Variants in AREG observed in about 807,000 individuals in gnomAD.
AREG encodes amphiregulin.
In AREG, 16 loss-of-function variants were observed where a neutral mutation model predicts 28.0. That is an observed-to-expected ratio of 0.57 (90% CI 0.39 to 0.87). The LOEUF (loss-of-function observed/expected upper bound fraction) is 0.87. Ranked by LOEUF, AREG falls within the 40% of genes least tolerant of loss-of-function variation. The pLI, the probability that AREG is intolerant of heterozygous loss-of-function variation, is 0.00. For synonymous variants in AREG, 113 were observed against 113.5 expected (o/e 1.00, Z 0.02); for missense variants, 287 against 309.1 (o/e 0.93, Z 0.53).
At chr4:74,447,566 A>G (rs1719314026) in intron 2 of AREG, among the ~76,000 whole-genome samples, 1 of 152,178 alleles carries the variant, frequency 6.6e-6, no homozygotes, top group East Asian at 1.9e-4. Flanking sequence ...AGAGAGAAAT[A>G]TTGCATACTT....
intron 4 of AREG, 147 bp downstream of exon 4, chr4:74,450,679 A>G: frequency 2.4e-6 from 3 of 1,271,098 alleles, no homozygotes; most frequent in South Asian, 3.2e-5. Flanking sequence ...TTTATTGACA[A>G]ATATCACAGA....
Position 74,449,102 on chromosome 4 carries a change from T to C in AREG, c.366T>C (p.Asp122=). Residue 122 remains aspartate (D), a synonymous_variant, in exon 3 of 6, where the codon GAT becomes GAC. Coordinates refer to ENST00000395748, the MANE Select transcript of AREG (RefSeq NM_001657.4). The part of the protein sequence containing the change: ...QNKTESENTS[D]KPKRKKKGGK... ...AGACGGAAAGTGAAAATACTTCAGA[T>C]AAACCCAAAAGAAAGAAAAAGGGAG... The C allele has an allele frequency of 6.2e-7, 1 of 1,611,330 alleles. No homozygotes were observed. The highest frequency in any genetic ancestry group is 1.1e-5 in the South Asian group (1 of 90,766).
At position 74,450,493 on chromosome 4, in the gene AREG, C is replaced by T. The variant is rs766672754; in HGVS notation, c.626C>T (p.Ser209Phe). The change falls in exon 4 of 6, where the codon TCT becomes TTT. Residue 209 changes from serine (S) to phenylalanine (F), a missense_variant. Physicochemically the swap from Ser to Phe is radical, Grantham distance 155. Coordinates refer to ENST00000395748, the MANE Select transcript of AREG (RefSeq NM_001657.4). ...TTAGCAGCCATAGCTGCCTTTATGTCTGCTGTGATCCTCACAGCTGTTGCT... is the reference window on the plus strand; with the variant it reads ...TTAGCAGCCATAGCTGCCTTTATGTTTGCTGTGATCCTCACAGCTGTTGCT... ...IALAAIAAFM[S>F]AVILTAVAVI... 9 of 1,613,850 alleles carry T rather than the reference C, an allele frequency of 5.6e-6. No individual in the cohort carries two copies. The South Asian group carries it at 9.9e-5, about 18-fold the overall frequency.
At chr4:74,447,629 G>A (rs1320894402) in intron 2 of AREG, among the ~76,000 whole-genome samples, 1 of 152,140 alleles carries the variant, frequency 6.6e-6, no homozygotes, top group African/African-American at 2.4e-5. Flanking sequence ...AATATCCTAA[G>A]AGCATCCACT....
At chr4:74,450,203 T>C (rs1195755670) in intron 3 of AREG, among the ~76,000 whole-genome samples, 177 bp from the exon 4 acceptor site, 1 of 152,182 alleles carries the variant, frequency 6.6e-6, no homozygotes, top group African/African-American at 2.4e-5. Context: ...CTCAACTTGT[T>C]CTTATACTAA....
At chr4:74,451,449 T>G (rs1278717676) in intron 4 of AREG, among the ~76,000 whole-genome samples, 1 of 152,234 alleles carries the variant, frequency 6.6e-6, no homozygotes, top group African/African-American at 2.4e-5. Flanking sequence ...GTACATGATC[T>G]ACCACGACTA....
In AREG at chr4:74,445,205, C is replaced by T. The variant is rs1719248123; in HGVS notation, c.-141C>T. On this transcript the variant is annotated 5_prime_UTR_variant, in exon 1 of 6. Transcript: ENST00000395748. ...CAGCCCGAGGCGCCGCGCCCGCCGCCCCGAGCTCCCCAAGCCTTCGAGAGC... is the reference window on the plus strand; with the variant it reads ...CAGCCCGAGGCGCCGCGCCCGCCGCTCCGAGCTCCCCAAGCCTTCGAGAGC... The T allele has an allele frequency of 6.7e-7, 1 of 1,493,756 alleles. No individual in the cohort carries two copies. Among genetic ancestry groups the T allele is most frequent in the Admixed American group, 2.2e-5 (1 of 45,430 alleles). The allele number at this position is 1,493,756 out of a possible 1,614,324, so 92.5% of individuals were successfully genotyped here.
rs1719363340 is a variant in AREG, at chr4:74,450,436, G to A, written c.569G>A (p.Ser190Asn). 6.2e-7 allele frequency: 1 copy of A among 1,613,814 alleles called. No homozygotes were observed. Among genetic ancestry groups the A allele is most frequent in the African/African-American group, 1.3e-5 (1 of 74,916 alleles). Residue 190 changes from serine to asparagine, a missense_variant, in exon 4 of 6, where the codon AGC becomes AAC. Ser to Asn is a conservative substitution (Grantham distance 46). Transcript: ENST00000395748. ...RCGEKSMKTH[S>N]MIDSSLSKIA... ...GGGGAAAAGTCCATGAAAACTCACA[G>A]CATGATTGACAGTAGTTTATCAAAA... is the stretch of plus-strand genomic sequence containing the variant.
At chr4:74,445,904 T>A (rs1000835953) in intron 1 of AREG, among the ~76,000 whole-genome samples, 1 of 152,316 alleles carries the variant, frequency 6.6e-6, no homozygotes, top group South Asian at 2.1e-4. Context: ...GTGGCTTAAC[T>A]CTGGGCCCCA....
intron 1 of AREG, among the ~76,000 whole-genome samples, chr4:74,446,164 A>C (rs936165360): frequency 1.6e-4 from 25 of 152,274 alleles, no homozygotes; most frequent in African/African-American, 6.0e-4. Flanking sequence ...GAAATAGGCC[A>C]GGATGGCATT....
chr4:74,450,340 GTT>G (rs1719361813), intron 3 of AREG, 38 bp from the exon 4 acceptor site: 1 of 1,613,638 alleles, frequency 6.2e-7, no homozygotes, highest in Non-Finnish European at 8.5e-7. Context: ...CACACCGCAC[GTT>G]TTTGTGATTA....
At chr4:74,452,462 A>AC in intron 4 of AREG, 82 bp from the exon 5 acceptor site, 1 of 1,528,208 alleles carries the variant, frequency 6.5e-7, no homozygotes, top group Non-Finnish European at 9.0e-7. Context: ...ATGAAGTGGA[A>AC]CCCCCTCTAC....
At chr4:74,453,588 G>C (rs1404741460) in intron 5 of AREG, among the ~76,000 whole-genome samples, 1 of 152,128 alleles carries the variant, frequency 6.6e-6, no homozygotes, top group Non-Finnish European at 1.5e-5. Flanking sequence ...TTCAGTTATT[G>C]ATTGTCTAAC....
intron 2 of AREG, 129 bp downstream of exon 2, chr4:74,446,911 G>C (rs1719300768): frequency 6.4e-7 from 1 of 1,573,524 alleles, no homozygotes; most frequent in Non-Finnish European, 8.7e-7. Flanking sequence ...ATAGCCCCTA[G>C]GTAAACTGTG....
At chr4:74,451,837 T>G (rs1719386595) in intron 4 of AREG, among the ~76,000 whole-genome samples, 1 of 152,178 alleles carries the variant, frequency 6.6e-6, no homozygotes, top group Non-Finnish European at 1.5e-5. Context: ...AAGCAGTGGC[T>G]TTTTTCCCCG....
chr4:74,450,260 G>A lies in AREG; in HGVS notation c.513-120G>A, dbSNP rs1022341665. ...TTCTGTGTCTCATTATTTAAAATAC[G>A]AGTATATGGCATAACTTTTTTAATG... On this transcript the variant is annotated intron_variant, in intron 3 of 5. Transcript: ENST00000395748. The A allele has an allele frequency of 7.6e-5, 113 of 1,479,752 alleles. No homozygotes were observed. In the Admixed American group the frequency reaches 1.6e-3, roughly 21 times the overall value. 91.7% of individuals were successfully genotyped at this position (1,479,752 alleles called of 1,614,324 possible). A position where few individuals can be genotyped will look rare whatever the true frequency, so the allele number is the denominator to read the frequency against.
intron 4 of AREG, among the ~76,000 whole-genome samples, 195 bp downstream of exon 4, chr4:74,450,727 AT>A (rs1719367423): frequency 6.6e-6 from 1 of 152,210 alleles, no homozygotes; most frequent in African/African-American, 2.4e-5. Flanking sequence ...CACCATTGAA[AT>A]TTAACATGTA....
rs763145339 is a variant in AREG, at chr4:74,446,752, C to T, written c.280C>T (p.Pro94Ser). The change falls in exon 2 of 6, where the codon CCT (proline) becomes TCT (serine). Residue 94 changes from proline (P) to serine (S), a missense_variant. Physicochemically the swap from Pro to Ser is moderately conservative, Grantham distance 74. Transcript: ENST00000395748. ...AGAGTATGATAACGAACCACAAATA[C>T]CTGGCTATATTGTCGATGATTCAGT... ...SEEYDNEPQI[P>S]GYIVDDSVRV... The T allele has an allele frequency of 5.0e-6, 8 of 1,613,898 alleles. No individual in the cohort carries two copies. Among genetic ancestry groups the T allele is most frequent in the African/African-American group, 1.3e-5 (1 of 75,010 alleles).
Position 74,445,543 on chromosome 4 carries a change from C to T in AREG, c.61+137C>T. On this transcript the variant is annotated intron_variant, in intron 1 of 5. Transcript: ENST00000395748. ...GCCGCAGGAGGTGATCACTGTAGCTCCCTCCCTAGGAGGAAAAGAGAAGGG... is the reference window on the plus strand; with the variant it reads ...GCCGCAGGAGGTGATCACTGTAGCTTCCTCCCTAGGAGGAAAAGAGAAGGG... 1.4e-5 allele frequency: 21 copies of T among 1,486,912 alleles called. No individual in the cohort carries two copies. In the South Asian group the frequency reaches 2.8e-4, roughly 20 times the overall value. 92.1% of individuals were successfully genotyped at this position (1,486,912 alleles called of 1,614,324 possible).
Sources: allele counts gnomAD v4.1 joint callset (sites outside exome capture counted in the v4.1 genomes callset), GRCh38; gene constraint gnomAD v4.1.1; transcripts MANE v1.5; gene names NCBI Gene and HGNC (gene_info 2026-07-23, HGNC 2026-07-21).